LOC128092252: variants seen among roughly 807,000 people sequenced by gnomAD.
At chr15:50,666,030 G>A in the LOC128092252 span, among the ~76,000 whole-genome samples, 2 of 151,936 alleles carry the variant, frequency 1.3e-5, no homozygotes, top group African/African-American at 4.8e-5. Context: ...GAAAATTAAT[G>A]AGCTAACTCT....
chr15:50,663,559 G>A, the LOC128092252 span, among the ~76,000 whole-genome samples: 2 of 152,114 alleles, frequency 1.3e-5, no homozygotes, highest in African/African-American at 2.4e-5. Context: ...CAACAGTACT[G>A]TGTAGATACT....
the LOC128092252 span, among the ~76,000 whole-genome samples, chr15:50,653,105 C>G: frequency 2.8e-4 from 42 of 152,268 alleles, no homozygotes; most frequent in Admixed American, 2.7e-3. Context: ...GACTGTGACA[C>G]TGCACTCCAG....
the LOC128092252 span, among the ~76,000 whole-genome samples, chr15:50,667,200 C>T: frequency 6.6e-6 from 1 of 152,186 alleles, no homozygotes; most frequent in African/African-American, 2.4e-5. Context: ...GAGAAACATG[C>T]TCTTGGCCCC....
the LOC128092252 span, among the ~76,000 whole-genome samples, chr15:50,663,622 G>A: frequency 6.6e-6 from 1 of 152,122 alleles, no homozygotes; most frequent in African/African-American, 2.4e-5. Flanking sequence ...TTCCCACTAC[G>A]AACCAAAAAC....
At chr15:50,661,670 A>G in the LOC128092252 span, among the ~76,000 whole-genome samples, 2 of 152,250 alleles carry the variant, frequency 1.3e-5, no homozygotes, top group Admixed American at 1.3e-4. Context: ...TCAGTTAGTA[A>G]AAACTGTCTA....
the LOC128092252 span, chr15:50,686,641 C>T: frequency 6.7e-7 from 1 of 1,490,176 alleles, no homozygotes; most frequent in Non-Finnish European, 9.0e-7. Flanking sequence ...CAGAGGCCGC[C>T]GGACAAGGAA....
At chr15:50,675,427 T>C in the LOC128092252 span, among the ~76,000 whole-genome samples, 1 of 152,094 alleles carries the variant, frequency 6.6e-6, no homozygotes, top group African/African-American at 2.4e-5. Flanking sequence ...TACCTCTCAT[T>C]CTGTTTATGT....
At chr15:50,675,508 A>T in the LOC128092252 span, among the ~76,000 whole-genome samples, 1 of 152,170 alleles carries the variant, frequency 6.6e-6, no homozygotes, top group African/African-American at 2.4e-5. Flanking sequence ...CTTGTTACAC[A>T]GGAATCGGCT....
the LOC128092252 span, among the ~76,000 whole-genome samples, chr15:50,677,720 CAGA>C: frequency 1.3e-5 from 1 of 76,678 alleles, no homozygotes; most frequent in Admixed American, 2.1e-4. Context: ...GCCTGGGCAA[CAGA>C]ACAAGACCCC....
At chr15:50,657,844 A>G in the LOC128092252 span, 3 of 1,598,682 alleles carry the variant, frequency 1.9e-6, no homozygotes, top group Non-Finnish European at 2.6e-6. Flanking sequence ...AAGGTAAATA[A>G]ATTATTTCAG....
the LOC128092252 span, among the ~76,000 whole-genome samples, chr15:50,682,724 A>G: frequency 1.3e-5 from 2 of 152,146 alleles, no homozygotes; most frequent in Non-Finnish European, 2.9e-5. Context: ...TCCAAGTCAA[A>G]CACTGTATTC....
chr15:50,678,098 G>A, the LOC128092252 span, among the ~76,000 whole-genome samples: 25 of 151,564 alleles, frequency 1.6e-4, no homozygotes, highest in Non-Finnish European at 3.1e-4. Context: ...AAAATCAGCC[G>A]GGCGTGGTGG....
the LOC128092252 span, among the ~76,000 whole-genome samples, chr15:50,650,451 T>C: frequency 2.0e-5 from 3 of 152,104 alleles, no homozygotes; most frequent in Non-Finnish European, 4.4e-5. Flanking sequence ...TCCCAGCACC[T>C]TGGGAAGCCA....
At chr15:50,662,778 C>A in the LOC128092252 span, among the ~76,000 whole-genome samples, 1 of 152,162 alleles carries the variant, frequency 6.6e-6, no homozygotes, top group Non-Finnish European at 1.5e-5. Flanking sequence ...ATTAAGAACT[C>A]CAAAATACTG....
chr15:50,676,968 T>C, the LOC128092252 span, among the ~76,000 whole-genome samples: 2 of 152,222 alleles, frequency 1.3e-5, no homozygotes, highest in African/African-American at 4.8e-5. Context: ...CAGATATTCC[T>C]GCTGCCCATT....
At chr15:50,654,852 C>T in the LOC128092252 span, among the ~76,000 whole-genome samples, 82,361 of 148,688 alleles carry the variant, frequency 0.55, 23,764 homozygotes, top group Admixed American at 0.63. Context: ...CCACAAAAAA[C>T]TACCCGGGTG....
chr15:50,682,265 C>T, the LOC128092252 span, among the ~76,000 whole-genome samples: 1 of 150,122 alleles, frequency 6.7e-6, no homozygotes, highest in South Asian at 2.1e-4. Context: ...CTTACCTCCA[C>T]ACACCAAAAT....
At chr15:50,664,308 C>CA in the LOC128092252 span, among the ~76,000 whole-genome samples, 4,429 of 58,296 alleles carry the variant, frequency 0.076, 430 homozygotes, top group African/African-American at 0.22. Context: ...GACTCCGTCT[C>CA]AAAAAAAAAA....
At chr15:50,679,341 AC>A in the LOC128092252 span, among the ~76,000 whole-genome samples, 3,029 of 149,028 alleles carry the variant, frequency 0.02, 102 homozygotes, top group African/African-American at 0.072. Context: ...TCCAAAAAAA[AC>A]AAAACAGAAA....
Sources: gnomAD v4.1 joint callset for allele counts (sites outside exome capture counted in the v4.1 genomes callset) on GRCh38, gnomAD v4.1.1 for gene constraint, MANE v1.5 for transcripts.